SCUBE2: variants seen among roughly 807,000 people sequenced by gnomAD.
The protein encoded by SCUBE2 is signal peptide, CUB and EGF-like domain-containing protein 2.
In SCUBE2, 114 loss-of-function variants were observed where a neutral mutation model predicts 125.9. The ratio of observed to expected loss-of-function variants is 0.91; its 90% CI spans 0.78 to 1.06. SCUBE2 has a LOEUF of 1.06. Among genes scored for constraint, SCUBE2 ranks in the 50% least tolerant of loss-of-function variants. The probability of loss-of-function intolerance (pLI) is 0.00; values close to 1 mark genes in which losing one functional copy is unlikely to be tolerated. For missense variants in SCUBE2, 1,255 were observed against 1,301.8 expected (o/e 0.96, Z 0.55); for synonymous variants, 459 against 492.9 (o/e 0.93, Z 0.91).
intron 16 of SCUBE2, among the ~76,000 whole-genome samples, chr11:9,042,883 C>G (rs147938709): frequency 1.3e-5 from 2 of 152,330 alleles, no homozygotes; most frequent in Non-Finnish European, 2.9e-5. Context: ...GTTTCTCTAT[C>G]TAGGACCTGC....
At chr11:9,045,042 C>T (rs934539292) in intron 16 of SCUBE2, among the ~76,000 whole-genome samples, 5 of 152,234 alleles carry the variant, frequency 3.3e-5, no homozygotes, top group South Asian at 2.1e-4. Context: ...TATCTTTCCT[C>T]GTTTATTGGT....
intron 4 of SCUBE2, among the ~76,000 whole-genome samples, chr11:9,070,193 C>T (rs746005192): frequency 5.9e-5 from 9 of 152,118 alleles, no homozygotes; most frequent in Non-Finnish European, 8.8e-5. Context: ...GGAGTGTGCT[C>T]GTGTGTGGTA....
At chr11:9,078,400 G>A (rs1003587554) in intron 3 of SCUBE2, among the ~76,000 whole-genome samples, 3 of 152,184 alleles carry the variant, frequency 2.0e-5, no homozygotes, top group Non-Finnish European at 4.4e-5. Context: ...GTGGGATAAA[G>A]GTCATATGAG....
At chr11:9,082,908 G>T (rs1861759970) in intron 2 of SCUBE2, among the ~76,000 whole-genome samples, 2 of 152,106 alleles carry the variant, frequency 1.3e-5, no homozygotes, top group Admixed American at 1.3e-4. Context: ...CAATTCAGCT[G>T]ATTTACTAAA....
At position 9,065,906 on chromosome 11, in the gene SCUBE2, G is replaced by T. The variant is rs985121811; in HGVS notation, c.835C>A (p.Arg279=). ...SVVDGDKRVK[R]RLLMETCAVN... is the part of the protein sequence containing the mutation. The stretch of plus-strand genomic sequence containing the variant: ...AGGTGCCTACCCATGAGCAGCCGCC[G>T]TTTCACCCGTTTATCCCCATCCACC... The change falls in exon 7 of 23, where the codon CGG becomes AGG. Residue 279 remains arginine, a synonymous_variant. Coordinates refer to ENST00000649792, the MANE Select transcript of SCUBE2 (RefSeq NM_001367977.2). 6.2e-7 allele frequency: 1 copy of T among 1,614,098 alleles called. No homozygotes were observed. Among genetic ancestry groups the T allele is most frequent in the East Asian group, 2.2e-5 (1 of 44,884 alleles).
At chr11:9,035,267 C>G (rs895065871) in intron 16 of SCUBE2, among the ~76,000 whole-genome samples, 23 of 152,218 alleles carry the variant, frequency 1.5e-4, no homozygotes, top group Non-Finnish European at 1.5e-5. Flanking sequence ...TTCCTCAACA[C>G]AGCCCTAAGG....
chr11:9,047,804 T>G (rs1051831758), intron 15 of SCUBE2, 139 bp downstream of exon 15: 2 of 1,105,714 alleles, frequency 1.8e-6, no homozygotes, highest in African/African-American at 3.2e-5. Context: ...CCAATTCAGT[T>G]TAGTTTCGGG....
At chr11:9,069,243 T>C in intron 5 of SCUBE2, 127 bp downstream of exon 5, 1 of 1,192,662 alleles carries the variant, frequency 8.4e-7, no homozygotes, top group Non-Finnish European at 1.2e-6. Context: ...GAGGTCGGTA[T>C]CCCGTGCTAA....
chr11:9,069,325 G>C (rs1163174268), intron 5 of SCUBE2, 45 bp downstream of exon 5: 1 of 1,609,996 alleles, frequency 6.2e-7, no homozygotes, highest in South Asian at 1.1e-5. Context: ...GCAGCCTGTG[G>C]AATACGACGG....
chr11:9,084,093 C>G (rs1482224508), intron 2 of SCUBE2, among the ~76,000 whole-genome samples: 1 of 152,116 alleles, frequency 6.6e-6, no homozygotes, highest in African/African-American at 2.4e-5. Flanking sequence ...AGAAGCAGTT[C>G]ATTCCAGGCC....
In SCUBE2 at chr11:9,089,789, G is replaced by C. The variant is rs368975775; in HGVS notation, c.174C>G (p.Ala58=). Reference sequence around the variant, plus strand: ...TGGGTGTGTTCTGACACAGGGCGTCGGCATGGCAGTCATCTAGCCCTTGGG... The same window carrying C: ...TGGGTGTGTTCTGACACAGGGCGTCCGCATGGCAGTCATCTAGCCCTTGGG... ...ECAQGLDDCH[A]DALCQNTPTS... Residue 58 remains alanine (A), a synonymous_variant, in exon 2 of 23, where the codon GCC becomes GCG. Transcript: ENST00000649792. 3.1e-6 allele frequency: 5 copies of C among 1,613,750 alleles called. No individual in the cohort carries two copies. The highest frequency in any genetic ancestry group is 1.1e-5 in the South Asian group (1 of 91,064).
At position 9,052,846 on chromosome 11, in the gene SCUBE2, T is replaced by C; in HGVS notation, c.1448-14A>G. The C allele has an allele frequency of 6.6e-7, 1 of 1,526,534 alleles. No individual in the cohort carries two copies. Among genetic ancestry groups the C allele is most frequent in the Non-Finnish European group, 8.8e-7 (1 of 1,137,268 alleles). The allele number at this position is 1,526,534 out of a possible 1,614,324, so 94.6% of individuals were successfully genotyped here. A position where few individuals can be genotyped will look rare whatever the true frequency, so the allele number is the denominator to read the frequency against. On this transcript the variant is annotated splice_polypyrimidine_tract_variant and intron_variant, in intron 12 of 22. Coordinates refer to ENST00000649792, the MANE Select transcript of SCUBE2 (RefSeq NM_001367977.2). Reference sequence around the variant, plus strand: ...CCCCTTGCAGTCCTGACAGACAGAATGTCAATTGTCAAATGCATAAGCAAG... The same window carrying C: ...CCCCTTGCAGTCCTGACAGACAGAACGTCAATTGTCAAATGCATAAGCAAG...
rs773267262 is a variant in SCUBE2, at chr11:9,021,864, C to T, written c.2934+12G>A. 33 of 1,605,752 alleles carry T rather than the reference C, an allele frequency of 2.1e-5. No individual in the cohort carries two copies. The highest frequency in any genetic ancestry group is 2.7e-5 in the Non-Finnish European group (32 of 1,172,858). Reference sequence around the variant, plus strand: ...TGGATAACTGCCATGTCCACCTGAGCCAGGCACTCACCTTAAGTATTTCCT... The same window carrying T: ...TGGATAACTGCCATGTCCACCTGAGTCAGGCACTCACCTTAAGTATTTCCT... On this transcript the variant is annotated intron_variant, in intron 22 of 22. Transcript: ENST00000649792.
chr11:9,043,075 A>G (rs1809187487), intron 16 of SCUBE2, among the ~76,000 whole-genome samples: 1 of 152,206 alleles, frequency 6.6e-6, no homozygotes, highest in African/African-American at 2.4e-5. Context: ...GAGGCTCCTT[A>G]GCAACATATC....
At chr11:9,050,514 G>A (rs2135432413) in intron 14 of SCUBE2, 92 bp downstream of exon 14, 6 of 930,156 alleles carry the variant, frequency 6.5e-6, no homozygotes, top group South Asian at 5.4e-5. Context: ...CGGCTGGACA[G>A]CCCCTGGCCC....
intron 6 of SCUBE2, 37 bp downstream of exon 6, chr11:9,066,660 G>A: frequency 2.0e-6 from 3 of 1,530,618 alleles, no homozygotes; most frequent in Non-Finnish European, 1.8e-6. Flanking sequence ...AGGCAGGCTG[G>A]TGCAGACCCT....
Position 9,054,725 on chromosome 11 carries a change from ATTTTT to A in SCUBE2, c.1208-971_1208-967del, listed in dbSNP as rs1174774188. Among the ~76,000 whole-genome samples, 185 of 22,280 alleles carry A rather than the reference ATTTTT, an allele frequency of 8.3e-3. 1 individual carries two copies. Among genetic ancestry groups the A allele is most frequent in the South Asian group, 0.015 (5 of 334 alleles). The allele number at this position is 22,280 out of a possible 152,430, so 14.6% of individuals were successfully genotyped here. A position where few individuals can be genotyped will look rare whatever the true frequency, so the allele number is the denominator to read the frequency against. On this transcript the variant is annotated intron_variant, in intron 10 of 22. Coordinates refer to ENST00000649792, the MANE Select transcript of SCUBE2 (RefSeq NM_001367977.2). ...TGTATATATATATATATATATATAT[ATTTTT>A]TTTTTTTTTTTTTTTTTTTTTTCAG...
At chr11:9,021,759 C>A in intron 22 of SCUBE2, 117 bp downstream of exon 22, 1 of 748,488 alleles carries the variant, frequency 1.3e-6, no homozygotes, top group South Asian at 1.7e-5. Flanking sequence ...TGACCTTGGC[C>A]CAGGACAGGC....
intron 3 of SCUBE2, among the ~76,000 whole-genome samples, chr11:9,077,556 G>A (rs12275492): frequency 0.1 from 15,445 of 152,176 alleles, 2,506 homozygotes; most frequent in African/African-American, 0.34. Context: ...GATTGAAGGG[G>A]TCATCCCAGA....
Sources: allele counts gnomAD v4.1 joint callset (sites outside exome capture counted in the v4.1 genomes callset), GRCh38; gene constraint gnomAD v4.1.1; transcripts MANE v1.5; gene names NCBI Gene and HGNC (gene_info 2026-07-23, HGNC 2026-07-21).